Variants in KLHL1 observed in about 807,000 individuals in gnomAD.
KLHL1 encodes kelch-like protein 1.
Under a neutral mutation model 77.7 loss-of-function variants are expected in KLHL1, and 47 were observed. That is an observed-to-expected ratio of 0.60 (90% confidence interval 0.48 to 0.77). The LOEUF (loss-of-function observed/expected upper bound fraction) is 0.77, where lower values mean the gene tolerates loss of function less well. Ranked by LOEUF, KLHL1 falls within the 30% of genes least tolerant of loss-of-function variation. The probability of loss-of-function intolerance (pLI) is 0.00; values close to 1 mark genes in which losing one functional copy is unlikely to be tolerated. For missense variants in KLHL1, 925 were observed against 910.8 expected, an observed-to-expected ratio of 1.02 and a Z score of -0.20; for synonymous variants, 360 against 325.2, an observed-to-expected ratio of 1.11 and a Z score of -1.15.
intron 1 of KLHL1, among the ~76,000 whole-genome samples, chr13:70,057,638 C>T (rs368966841): frequency 3.3e-5 from 5 of 149,572 alleles, no homozygotes; most frequent in East Asian, 2.0e-4. Context: ...TAGCCGGGTG[C>T]GGTGGCGGGC....
chr13:69,934,945 C>CGTGT lies in KLHL1; in HGVS notation c.1014+5091_1014+5094dup, dbSNP rs71116961. On this transcript the variant is annotated intron_variant, in intron 4 of 10. Transcript: ENST00000377844. ...CATAATTTTTCTTTGTAAAATTTAC[C>CGTGT]GTGTGTGTGTGCATGTGTATATATA... 1.3e-3 allele frequency among the ~76,000 whole-genome samples: 166 copies of CGTGT among 130,570 alleles called. 1 individual carries two copies. The highest frequency in any genetic ancestry group is 4.9e-3 in the African/African-American group (160 of 32,560). 85.7% of individuals were successfully genotyped at this position (130,570 alleles called of 152,430 possible).
intron 8 of KLHL1, among the ~76,000 whole-genome samples, chr13:69,733,908 A>G (rs1474654578): frequency 1.3e-5 from 2 of 152,186 alleles, no homozygotes. Context: ...TCATAACTGC[A>G]TTATTCTTAA....
chr13:70,079,128 CAG>C (rs1322459101), intron 1 of KLHL1, among the ~76,000 whole-genome samples: 1 of 152,164 alleles, frequency 6.6e-6, no homozygotes, highest in African/African-American at 2.4e-5. Context: ...GCAGTTAATA[CAG>C]AGTCTCTAAG....
chr13:69,726,182 T>C (rs1873290274), intron 8 of KLHL1, among the ~76,000 whole-genome samples: 1 of 152,178 alleles, frequency 6.6e-6, no homozygotes, highest in East Asian at 1.9e-4. Context: ...GCTAAGTAGC[T>C]TGGGATATTA....
At chr13:69,995,916 G>C (rs906157633) in intron 1 of KLHL1, among the ~76,000 whole-genome samples, 4 of 152,134 alleles carry the variant, frequency 2.6e-5, no homozygotes, top group African/African-American at 9.7e-5. Context: ...AAGAAAGAAT[G>C]TGTCAATTGA....
At chr13:70,013,578 C>G (rs1253132035) in intron 1 of KLHL1, among the ~76,000 whole-genome samples, 1 of 152,106 alleles carries the variant, frequency 6.6e-6, no homozygotes, top group East Asian at 1.9e-4. Context: ...GCAACTGTTT[C>G]TTGATTTTTA....
chr13:69,701,774 A>G lies in KLHL1; in HGVS notation c.2188-13T>C. 1.9e-6 allele frequency: 3 copies of G among 1,592,800 alleles called. No homozygotes were observed. Among genetic ancestry groups the G allele is most frequent in the Non-Finnish European group, 2.6e-6 (3 of 1,165,490 alleles). ...TCAAGGAAGCCATCTGTTAAAAAAG[A>G]TGAAACACAACTTAAGACAAGTTTT... On this transcript the variant is annotated splice_polypyrimidine_tract_variant and intron_variant, in intron 10 of 10. Coordinates refer to ENST00000377844, the MANE Select transcript of KLHL1 (RefSeq NM_020866.3).
intron 4 of KLHL1, among the ~76,000 whole-genome samples, chr13:69,936,203 CA>C (rs1348952893): frequency 2.0e-5 from 3 of 152,200 alleles, no homozygotes; most frequent in African/African-American, 4.8e-5. Context: ...CCATACAACA[CA>C]TATTTAGCAG....
chr13:70,019,269 A>G (rs1443243630), intron 1 of KLHL1, among the ~76,000 whole-genome samples: 2 of 152,168 alleles, frequency 1.3e-5, no homozygotes, highest in African/African-American at 2.4e-5. Flanking sequence ...GAAAAGTCTA[A>G]AGGAAAACTC....
chr13:69,772,841 A>C (rs191879495), intron 7 of KLHL1, among the ~76,000 whole-genome samples: 164 of 152,312 alleles, frequency 1.1e-3, no homozygotes, highest in Admixed American at 2.5e-3. Context: ...AACATTAATA[A>C]ACATCAATAT....
chr13:69,917,720 A>G (rs979553941), intron 4 of KLHL1, among the ~76,000 whole-genome samples: 2 of 152,108 alleles, frequency 1.3e-5, no homozygotes, highest in African/African-American at 2.4e-5. Context: ...GCATTCTTCC[A>G]TATATAGGTC....
intron 4 of KLHL1, among the ~76,000 whole-genome samples, chr13:69,933,417 T>C (rs567721556): frequency 9.9e-5 from 15 of 152,144 alleles, no homozygotes; most frequent in Non-Finnish European, 1.6e-4. Flanking sequence ...TAATTTATGG[T>C]TTATTAGCAG....
intron 8 of KLHL1, among the ~76,000 whole-genome samples, chr13:69,723,950 G>A (rs938806432): frequency 3.3e-5 from 5 of 150,520 alleles, no homozygotes; most frequent in African/African-American, 1.2e-4. Context: ...TGATTCTCCT[G>A]CCTCAGCCTC....
In KLHL1 at chr13:69,976,195, C is replaced by A. The variant is rs180847380; in HGVS notation, c.498-393G>T. Among the ~76,000 whole-genome samples the A allele has an allele frequency of 1.2e-3, 189 of 151,886 alleles. 1 individual carries two copies. Among genetic ancestry groups the A allele is most frequent in the African/African-American group, 4.4e-3 (184 of 41,500 alleles). On this transcript the variant is annotated intron_variant, in intron 1 of 10. Transcript: ENST00000377844. ...AGGAAGATAGCTTAATTATACTATT[C>A]TAAATAGAATTCTTGAGATGTCATA...
chr13:70,002,304 T>C (rs909103294), intron 1 of KLHL1, among the ~76,000 whole-genome samples: 3 of 151,766 alleles, frequency 2.0e-5, no homozygotes, highest in African/African-American at 4.8e-5. Flanking sequence ...ATGATTAATG[T>C]GTTCAATAAT....
intron 1 of KLHL1, among the ~76,000 whole-genome samples, chr13:70,092,825 A>G (rs190922955): frequency 5.5e-4 from 83 of 152,240 alleles, no homozygotes; most frequent in African/African-American, 2.0e-3. Context: ...TTTAAAATTA[A>G]ACAAATAGAG....
chr13:69,815,682 C>T (rs1878090890), intron 6 of KLHL1, among the ~76,000 whole-genome samples: 1 of 152,034 alleles, frequency 6.6e-6, no homozygotes, highest in Non-Finnish European at 1.5e-5. Flanking sequence ...ATGCAACAAA[C>T]ATGCACATGT....
intron 1 of KLHL1, among the ~76,000 whole-genome samples, chr13:70,041,108 C>T (rs1046767904): frequency 6.6e-6 from 1 of 152,072 alleles, no homozygotes; most frequent in Non-Finnish European, 1.5e-5. Flanking sequence ...ATTGTCTCTT[C>T]TATACCTTTG....
intron 8 of KLHL1, among the ~76,000 whole-genome samples, chr13:69,728,907 A>G (rs1299652456): frequency 6.6e-6 from 1 of 152,110 alleles, no homozygotes; most frequent in South Asian, 2.1e-4. Flanking sequence ...TACATTTTGC[A>G]GATTCTTAAG....
Sources: allele counts gnomAD v4.1 joint callset (sites outside exome capture counted in the v4.1 genomes callset), GRCh38; gene constraint gnomAD v4.1.1; transcripts MANE v1.5; gene names NCBI Gene and HGNC (gene_info 2026-07-23, HGNC 2026-07-21).